SHANK2: variants seen among roughly 807,000 people sequenced by gnomAD.
SHANK2 encodes SH3 and multiple ankyrin repeat domains 2, also known as SH3 and multiple ankyrin repeat domains protein 2.
Under a neutral mutation model 133.7 loss-of-function variants are expected in SHANK2, and 43 were observed. That is an observed-to-expected ratio of 0.32 (90% CI 0.25 to 0.41). The LOEUF (loss-of-function observed/expected upper bound fraction) is 0.41. Among genes scored for constraint, SHANK2 ranks in the 10% least tolerant of loss-of-function variants. The pLI is 1.00. For missense variants in SHANK2, 1,994 were observed against 2,235.8 expected, an observed-to-expected ratio of 0.89 and a Z score of 2.18; for synonymous variants, 1,017 against 952.8, an observed-to-expected ratio of 1.07 and a Z score of -1.24.
intron 1 of SHANK2, among the ~76,000 whole-genome samples, chr11:71,248,613 A>T (rs1432070722): frequency 6.6e-6 from 1 of 152,180 alleles, no homozygotes; most frequent in African/African-American, 2.4e-5. Context: ...CACTAATGCC[A>T]ATCAAAAGGA....
chr11:71,062,272 A>G (rs1950997287), intron 9 of SHANK2, among the ~76,000 whole-genome samples: 1 of 152,112 alleles, frequency 6.6e-6, no homozygotes, highest in Non-Finnish European at 1.5e-5. Context: ...CTTTATCAAA[A>G]TCACAGTATT....
chr11:70,612,989 A>G (rs1191264515), intron 17 of SHANK2, among the ~76,000 whole-genome samples: 3 of 152,126 alleles, frequency 2.0e-5, no homozygotes, highest in Non-Finnish European at 4.4e-5. Context: ...TCTTGTTCAC[A>G]GGCACTTGCA....
At chr11:70,557,466 G>T (rs576210890) in intron 17 of SHANK2, among the ~76,000 whole-genome samples, 10 of 152,308 alleles carry the variant, frequency 6.6e-5, no homozygotes, top group African/African-American at 2.2e-4. Context: ...GCTCAGCAGT[G>T]GGGGAGGAGC....
chr11:70,712,208 C>G (rs535461206), intron 14 of SHANK2, among the ~76,000 whole-genome samples: 2 of 152,218 alleles, frequency 1.3e-5, no homozygotes, highest in Admixed American at 6.5e-5. Flanking sequence ...TCCTTCCCCC[C>G]ACTGCATTGC....
At chr11:70,562,708 T>G (rs1443319561) in intron 17 of SHANK2, among the ~76,000 whole-genome samples, 1 of 152,224 alleles carries the variant, frequency 6.6e-6, no homozygotes. Flanking sequence ...ACTTGAAGAA[T>G]CTGCCCTTAA....
intron 11 of SHANK2, among the ~76,000 whole-genome samples, chr11:70,886,909 T>C (rs782479002): frequency 6.8e-4 from 103 of 152,252 alleles, no homozygotes; most frequent in Admixed American, 1.0e-3. Flanking sequence ...TTTTAAAATA[T>C]AAAAACCCCT....
chr11:71,172,271 A>G (rs1953329552), intron 2 of SHANK2, among the ~76,000 whole-genome samples: 1 of 152,180 alleles, frequency 6.6e-6, no homozygotes, highest in Non-Finnish European at 1.5e-5. Flanking sequence ...TCAAGAATGC[A>G]GGGGCCACGG....
chr11:70,682,981 G>A (rs2134395346), intron 15 of SHANK2, among the ~76,000 whole-genome samples: 1 of 152,154 alleles, frequency 6.6e-6, no homozygotes, highest in East Asian at 1.9e-4. Flanking sequence ...GCTGGAGAAG[G>A]GCAAAGCTGG....
At chr11:71,225,908 A>C (rs1341309865) in intron 1 of SHANK2, among the ~76,000 whole-genome samples, 1 of 152,152 alleles carries the variant, frequency 6.6e-6, no homozygotes, top group African/African-American at 2.4e-5. Flanking sequence ...TGGATCACTC[A>C]AGGTTAGAAG....
intron 15 of SHANK2, chr11:70,662,127 A>G: frequency 2.7e-6 from 1 of 374,006 alleles, no homozygotes; most frequent in Non-Finnish European, 5.0e-6. Flanking sequence ...CTTCCAGGGA[A>G]GCCCGGGAAA....
intron 14 of SHANK2, among the ~76,000 whole-genome samples, chr11:70,734,298 AG>A (rs1451504060): frequency 6.6e-6 from 1 of 152,224 alleles, no homozygotes; most frequent in Non-Finnish European, 1.5e-5. Flanking sequence ...GCTTCTGAGC[AG>A]GGATTGAACG....
intron 10 of SHANK2, among the ~76,000 whole-genome samples, chr11:70,913,306 G>GACC (rs1555079366): frequency 1.3e-5 from 2 of 151,916 alleles, no homozygotes; most frequent in Admixed American, 6.6e-5. Context: ...ACCCTTCAGG[G>GACC]ACCATATGGA....
chr11:71,142,951 A>G (rs1221867197), intron 3 of SHANK2, among the ~76,000 whole-genome samples: 4 of 152,184 alleles, frequency 2.6e-5, no homozygotes, highest in Admixed American at 2.6e-4. Flanking sequence ...AATACAGAGC[A>G]GGTCAGGCAC....
At chr11:70,552,402 A>T (rs567403434) in intron 17 of SHANK2, among the ~76,000 whole-genome samples, 10 of 152,302 alleles carry the variant, frequency 6.6e-5, no homozygotes, top group Admixed American at 4.6e-4. Context: ...TTATAGCTCA[A>T]TTTAGTTCCT....
intron 14 of SHANK2, among the ~76,000 whole-genome samples, chr11:70,738,339 T>C (rs1265964298): frequency 6.6e-6 from 1 of 152,210 alleles, no homozygotes; most frequent in African/African-American, 2.4e-5. Context: ...CTGTCTTCTG[T>C]GCACCAACCC....
Position 70,470,577 on chromosome 11 carries a change from A to T in SHANK2, c.*2292T>A, listed in dbSNP as rs1404032807. On this transcript the variant is annotated 3_prime_UTR_variant, in exon 26 of 26. Coordinates refer to ENST00000601538, the MANE Select transcript of SHANK2 (RefSeq NM_012309.5). ...TTTGCGGTATCATCAAATGGAAGAC[A>T]AATTAATGGCCAAACCACCATTTTT... 2.0e-5 allele frequency: 3 copies of T among 152,632 alleles called. No homozygotes were observed. Among genetic ancestry groups the T allele is most frequent in the Non-Finnish European group, 4.4e-5 (3 of 68,044 alleles). 9.5% of individuals were successfully genotyped at this position (152,632 alleles called of 1,614,324 possible). A position where few individuals can be genotyped will look rare whatever the true frequency, so the allele number is the denominator to read the frequency against.
At chr11:70,673,634 G>A (rs1555016592) in intron 15 of SHANK2, among the ~76,000 whole-genome samples, 1 of 152,246 alleles carries the variant, frequency 6.6e-6, no homozygotes, top group African/African-American at 2.4e-5. Context: ...CTGATTCTAG[G>A]GCTGGGGGCC....
chr11:70,495,843 G>A, intron 21 of SHANK2: 1 of 201,130 alleles, frequency 5.0e-6, no homozygotes, highest in South Asian at 5.7e-5. Context: ...GCAGAATCCA[G>A]CCCACCTGAT....
chr11:70,705,161 A>AT (rs1945632888), intron 14 of SHANK2: 1 of 152,060 alleles, frequency 6.6e-6, no homozygotes, highest in South Asian at 2.1e-4. Flanking sequence ...TTTATTTTTT[A>AT]TTTTTTTAAG....
Sources: gnomAD v4.1 joint callset for allele counts (sites outside exome capture counted in the v4.1 genomes callset) on GRCh38, gnomAD v4.1.1 for gene constraint, MANE v1.5 for transcripts, NCBI Gene and HGNC (gene_info 2026-07-23, HGNC 2026-07-21) for gene names.